CEP85L: variants seen among roughly 807,000 people sequenced by gnomAD.
The protein encoded by CEP85L is centrosomal protein 85L, also known as centrosomal protein of 85 kDa-like.
CEP85L carries 60 observed loss-of-function variants against 100.3 expected under a neutral mutation model. The observed-to-expected ratio is 0.60, with a 90% CI of 0.49 to 0.74. CEP85L has a LOEUF of 0.74. CEP85L is among the 30% of genes least tolerant of loss of function. The probability of loss-of-function intolerance (pLI) is 0.00; values close to 1 mark genes in which losing one functional copy is unlikely to be tolerated. For synonymous variants in CEP85L, 319 were observed against 322.7 expected (o/e 0.99, Z 0.12); for missense variants, 973 against 936.2 (o/e 1.04, Z -0.51).
intron 3 of CEP85L, among the ~76,000 whole-genome samples, chr6:118,525,637 T>G (rs1304313463): frequency 6.6e-6 from 1 of 152,184 alleles, no homozygotes; most frequent in Non-Finnish European, 1.5e-5. Flanking sequence ...GAGAGAGGCA[T>G]GGGACAAATT....
chr6:118,481,097 G>T (rs977754653), intron 8 of CEP85L, among the ~76,000 whole-genome samples: 2 of 151,744 alleles, frequency 1.3e-5, no homozygotes, highest in Non-Finnish European at 2.9e-5. Context: ...AAGTAAATCT[G>T]GAAGATACAT....
At chr6:118,630,811 G>T (rs934917894) in intron 2 of CEP85L, among the ~76,000 whole-genome samples, 3 of 152,230 alleles carry the variant, frequency 2.0e-5, no homozygotes, top group Non-Finnish European at 4.4e-5. Context: ...GCAGGTGAGT[G>T]AGGGCAGCTG....
chr6:118,561,650 T>C (rs774570557), intron 3 of CEP85L, among the ~76,000 whole-genome samples: 40 of 152,266 alleles, frequency 2.6e-4, no homozygotes, highest in Middle Eastern at 3.4e-3. Context: ...TTTAATTGGT[T>C]AAGAATATAT....
chr6:118,470,494 G>C, intron 11 of CEP85L, 43 bp downstream of exon 11: 1 of 1,175,112 alleles, frequency 8.5e-7, no homozygotes, highest in Non-Finnish European at 1.2e-6. Flanking sequence ...GCATTTTATA[G>C]TGAATCATCC....
chr6:118,560,708 T>G (rs924662281), intron 3 of CEP85L: 2 of 166,084 alleles, frequency 1.2e-5, no homozygotes, highest in African/African-American at 4.8e-5. Context: ...CTATTTATAA[T>G]TATTTTCTTG....
At chr6:118,562,315 T>G (rs1025014047) in intron 3 of CEP85L, among the ~76,000 whole-genome samples, 1 of 152,172 alleles carries the variant, frequency 6.6e-6, no homozygotes, top group African/African-American at 2.4e-5. Context: ...CATTATTATT[T>G]CATGTTAGAC....
At position 118,523,867 on chromosome 6, in the gene CEP85L, A is replaced by C; in HGVS notation, c.1074T>G (p.Ser358Arg). 1 of 1,609,942 alleles carries C rather than the reference A, an allele frequency of 6.2e-7. No homozygotes were observed. The highest frequency in any genetic ancestry group is 8.5e-7 in the Non-Finnish European group (1 of 1,176,962). The part of the protein sequence containing the change: ...QSYSPGYQDF[S>R]KWESMLKIKE... ...TTATTTTCAACATTGATTCCCACTT[A>C]CTGAAATCCTGATAGCCAGGTGAAT... Residue 358 changes from serine (S) to arginine (R), a missense_variant, in exon 4 of 13, where the codon AGT becomes AGG. Around this residue, in one of 3 missense-constraint regions of CEP85L, gnomAD observed 890 missense variants for 844.5 expected, o/e 1.05. Coordinates refer to ENST00000368491, the MANE Select transcript of CEP85L (RefSeq NM_001042475.3).
At chr6:118,491,404 A>T in intron 6 of CEP85L, 1 of 990,022 alleles carries the variant, frequency 1.0e-6, no homozygotes, top group Non-Finnish European at 1.3e-6. Flanking sequence ...GAAATCATAG[A>T]CTCAATAAGG....
chr6:118,681,434 A>T (rs1440956805), intron 1 of CEP85L, among the ~76,000 whole-genome samples: 1 of 152,158 alleles, frequency 6.6e-6, no homozygotes, highest in Non-Finnish European at 1.5e-5. Flanking sequence ...AATGAAAAAA[A>T]CCTCAATAAC....
At chr6:118,589,011 T>G in intron 2 of CEP85L, 2 of 240,388 alleles carry the variant, frequency 8.3e-6, no homozygotes, top group Non-Finnish European at 1.9e-5. Flanking sequence ...TCACTGCCGC[T>G]GCTGCTGTTG....
intron 2 of CEP85L, among the ~76,000 whole-genome samples, chr6:118,568,577 G>C (rs1192732186): frequency 6.6e-6 from 1 of 152,204 alleles, no homozygotes; most frequent in Non-Finnish European, 1.5e-5. Flanking sequence ...TAAGTAAAGA[G>C]CCTGGCCTTC....
chr6:118,626,773 G>C (rs535593359), intron 2 of CEP85L, among the ~76,000 whole-genome samples: 1 of 152,316 alleles, frequency 6.6e-6, no homozygotes, highest in East Asian at 1.9e-4. Context: ...ATTCTTTGGC[G>C]TGGCTAGGCA....
intron 4 of CEP85L, among the ~76,000 whole-genome samples, chr6:118,518,025 A>G (rs187956490): frequency 6.6e-6 from 1 of 152,272 alleles, no homozygotes; most frequent in Admixed American, 6.5e-5. Flanking sequence ...TATGTGATGG[A>G]TTACATTTAT....
At chr6:118,651,895 G>A (rs1469029434), upstream of CEP85L, 3 of 985,396 alleles carry the variant, frequency 3.0e-6, no homozygotes, top group Non-Finnish European at 3.6e-6. Flanking sequence ...CCCTCCCTCC[G>A]GGCACCTCTG....
At chr6:118,469,036 T>C (rs767819980) in intron 12 of CEP85L, 36 bp downstream of exon 12, 22 of 1,447,006 alleles carry the variant, frequency 1.5e-5, no homozygotes, top group South Asian at 3.5e-5. Context: ...AGGTTTCTAA[T>C]TGCCACAAAA....
intron 2 of CEP85L, among the ~76,000 whole-genome samples, chr6:118,599,453 A>G (rs1296840808): frequency 6.6e-6 from 1 of 152,228 alleles, no homozygotes; most frequent in Non-Finnish European, 1.5e-5. Flanking sequence ...GATTGAATAA[A>G]TAAATAAATG....
At position 118,707,734 on chromosome 6, in the gene CEP85L, T is replaced by C. The variant is rs192119583; in HGVS notation, c.-28+2302A>G. Among the ~76,000 whole-genome samples, 240 of 152,322 alleles carry C rather than the reference T, an allele frequency of 1.6e-3. 1 individual carries two copies. Among genetic ancestry groups the C allele is most frequent in the African/African-American group, 5.2e-3 (217 of 41,564 alleles). On this transcript the variant is annotated intron_variant, in intron 1 of 13. Coordinates refer to the CEP85L transcript ENST00000368488. ...GTTTTATACTTTTTGCTTGTAAATA[T>C]ATTTAAACATGTGCAAACTTTTATG...
chr6:118,465,610 G>A (rs1244794596), intron 12 of CEP85L, 42 bp from the exon 13 acceptor site: 2 of 1,582,924 alleles, frequency 1.3e-6, no homozygotes, highest in South Asian at 2.3e-5. Flanking sequence ...ACATTTTTTT[G>A]AACAAAGACA....
chr6:118,696,242 G>A (rs1381128639), intron 1 of CEP85L, among the ~76,000 whole-genome samples: 1 of 151,918 alleles, frequency 6.6e-6, no homozygotes, highest in Non-Finnish European at 1.5e-5. Flanking sequence ...TCCAGCCTGG[G>A]TGACAGAGCG....
Sources: allele counts gnomAD v4.1 joint callset (sites outside exome capture counted in the v4.1 genomes callset), GRCh38; gene constraint gnomAD v4.1.1; regional missense constraint gnomAD v4.1.1; transcripts MANE v1.5; gene names NCBI Gene and HGNC (gene_info 2026-07-23, HGNC 2026-07-21).